ZNF658: variants seen among roughly 807,000 people sequenced by gnomAD.
ZNF658 encodes zinc finger protein 658.
A neutral mutation model predicts 78.0 loss-of-function variants in ZNF658; 46 were observed. The observed-to-expected ratio is 0.59, with a 90% CI of 0.47 to 0.75. ZNF658 has a LOEUF of 0.75. Ranked by LOEUF, ZNF658 falls within the 30% of genes least tolerant of loss-of-function variation. The pLI is 0.00. For missense variants in ZNF658, 785 were observed against 1,189.3 expected, an observed-to-expected ratio of 0.66 and a Z score of 5.00; for synonymous variants, 279 against 408.4, an observed-to-expected ratio of 0.68 and a Z score of 3.82.
rs764002587 is a variant in ZNF658 at position 66,908,277 on chromosome 9, CG to C, written c.58del (p.Glu20ArgfsTer17). 5.0e-6 allele frequency: 8 copies of C among 1,613,826 alleles called. No homozygotes were observed. Among genetic ancestry groups the C allele is most frequent in the Non-Finnish European group, 6.8e-6 (8 of 1,179,980 alleles). ...SFQDVTVEFTREEWQHLGPVE... is the reference protein window; with the variant it reads ...SFQDVTVEFTXEEWQHLGPVE... ...CCAGGACGTGACTGTGGAATTCACCCGGGAGGAGTGGCAGCACCTGGGCCCT... is the reference window on the plus strand; with the variant it reads ...CCAGGACGTGACTGTGGAATTCACCCGGAGGAGTGGCAGCACCTGGGCCCT... On this transcript the variant is annotated frameshift_variant, in exon 3 of 5. Coordinates refer to ENST00000621410, the MANE Select transcript of ZNF658 (RefSeq NM_033160.7). LOFTEE classifies it high-confidence loss of function.
At position 66,917,912 on chromosome 9, in the gene ZNF658, C is replaced by T; in HGVS notation, c.346C>T (p.Gln116Ter). 2 of 1,609,788 alleles carry T rather than the reference C, an allele frequency of 1.2e-6. No individual in the cohort carries two copies. The highest frequency in any genetic ancestry group is 1.7e-6 in the Non-Finnish European group (2 of 1,179,394). Residue 116 changes from glutamine (Q) to a stop codon, truncating the protein, a stop_gained, in exon 5 of 5, where the codon CAG (glutamine) becomes TAG (stop). Coordinates refer to ENST00000621410, the MANE Select transcript of ZNF658 (RefSeq NM_033160.7). LOFTEE classifies it high-confidence loss of function. ...TGACAAAACATTGAGTAAAGAAGGA[C>T]AGAAAGTTTTAGAAAAACCATTTAA... ...DADKTLSKEG[Q>*]KVLEKPFNLE...
In ZNF658 at chr9:66,901,773, C is replaced by G. The variant is rs941472764; in HGVS notation, c.-45+937C>G. On this transcript the variant is annotated intron_variant, in intron 1 of 4. Transcript: ENST00000621410. ...CAGCCTGGCCATCATGGCAAAAGCC[C>G]ATCTCTACAAAAATAAAAAAATTAG... Among the ~76,000 whole-genome samples the G allele has an allele frequency of 1.0e-3, 155 of 151,390 alleles. 1 individual carries two copies. The highest frequency in any genetic ancestry group is 4.0e-3 in the South Asian group (19 of 4,780).
intron 6 of ZNF658, among the ~76,000 whole-genome samples, chr9:66,927,141 G>C (rs4629923): frequency 6.6e-6 from 1 of 151,830 alleles, no homozygotes; most frequent in Admixed American, 6.6e-5. Context: ...TCCAAAATAC[G>C]TCAGGAACTC....
In ZNF658 at chr9:66,920,027, A is replaced by G. The variant is rs755582435; in HGVS notation, c.2461A>G (p.Thr821Ala). ...CCTCATAGTGCATCAAAGAATTCACACAGGGGAGAAACCCTATGAATGTAA... is the reference window on the plus strand; with the variant it reads ...CCTCATAGTGCATCAAAGAATTCACGCAGGGGAGAAACCCTATGAATGTAA... The part of the protein sequence containing the change: ...AALIVHQRIH[T>A]GEKPYECNQC... The change falls in exon 5 of 5, where the codon ACA (threonine) becomes GCA (alanine). Residue 821 changes from threonine to alanine, a missense_variant. Physicochemically the swap from Thr to Ala is moderately conservative, Grantham distance 58 (BLOSUM62 0). This residue lies in a region of ZNF658 where 58 missense variants were observed against 63.0 expected (regional missense o/e 0.92). Transcript: ENST00000621410. 6.2e-7 allele frequency: 1 copy of G among 1,612,924 alleles called. No individual in the cohort carries two copies. The highest frequency in any genetic ancestry group is 8.5e-7 in the Non-Finnish European group (1 of 1,179,872).
At position 66,920,848 on chromosome 9, in the gene ZNF658, G is replaced by A. The variant is rs574247722; in HGVS notation, c.*102G>A. The A allele has an allele frequency of 1.8e-5, 12 of 668,684 alleles. No individual in the cohort carries two copies. The South Asian group carries it at 1.8e-4, about 10-fold the overall frequency. 41.4% of individuals were successfully genotyped at this position (668,684 alleles called of 1,614,324 possible). On this transcript the variant is annotated 3_prime_UTR_variant, in exon 5 of 5. Transcript: ENST00000621410. ...CATTTCCTTTTTCATTAGGCTCATA[G>A]TTTGTGGAAAAATCCCAATATGCCG...
In ZNF658 at chr9:66,920,941, T is replaced by TAA. The variant is rs568776150; in HGVS notation, c.*206_*207dup. On this transcript the variant is annotated 3_prime_UTR_variant, in exon 5 of 5. Coordinates refer to ENST00000621410, the MANE Select transcript of ZNF658 (RefSeq NM_033160.7). The stretch of plus-strand genomic sequence containing the variant: ...AAATATTACATTTACCCTTGGCCCT[T>TAA]AAAAAAAAAAAAGAAAAACCCTCAC... 413 of 564,398 alleles carry TAA rather than the reference T, an allele frequency of 7.3e-4. No individual in the cohort carries two copies. The highest frequency in any genetic ancestry group is 1.0e-3 in the South Asian group (44 of 43,264). 35.0% of individuals were successfully genotyped at this position (564,398 alleles called of 1,614,324 possible). A position where few individuals can be genotyped will look rare whatever the true frequency, so the allele number is the denominator to read the frequency against.
intron 4 of ZNF658, among the ~76,000 whole-genome samples, chr9:66,916,100 G>A (rs926489571): frequency 1.3e-5 from 2 of 150,348 alleles, no homozygotes; most frequent in African/African-American, 2.5e-5. Flanking sequence ...ATGTTGGTCA[G>A]GCTGGTCTCA....
chr9:66,910,490 A>G (rs940722610), intron 4 of ZNF658, among the ~76,000 whole-genome samples: 1 of 151,736 alleles, frequency 6.6e-6, no homozygotes, highest in African/African-American at 2.4e-5. Context: ...CTAAATAAGT[A>G]ACATAGAAAG....
chr9:66,919,647 C>T lies in ZNF658; in HGVS notation c.2081C>T (p.Thr694Ile), dbSNP rs761420146. ...KPYECSDCEK[T>I]FAHNSALKIH... ...TATGAATGTAGTGACTGTGAGAAAA[C>T]TTTTGCCCATAATTCAGCCCTCAAA... The change falls in exon 5 of 5, where the codon ACT (threonine) becomes ATT (isoleucine). Residue 694 changes from threonine (T) to isoleucine (I), a missense_variant. Thr to Ile is a moderately conservative substitution (Grantham distance 89). Around this residue, in one of 12 missense-constraint regions of ZNF658, gnomAD observed 75 missense variants for 147.1 expected, o/e 0.51. Coordinates refer to ENST00000621410, the MANE Select transcript of ZNF658 (RefSeq NM_033160.7). The T allele has an allele frequency of 5.6e-6, 9 of 1,611,440 alleles. No homozygotes were observed. The South Asian group carries it at 9.9e-5, about 18-fold the overall frequency.
At chr9:66,927,419 A>G (rs149921882) in intron 6 of ZNF658, among the ~76,000 whole-genome samples, 4,474 of 152,224 alleles carry the variant, frequency 0.029, 234 homozygotes, top group African/African-American at 0.1. Flanking sequence ...ACGATGGTGC[A>G]TTTACTATGG....
At chr9:66,902,880 ATTTATTT>A (rs1821984726) in intron 1 of ZNF658, 2 of 151,864 alleles carry the variant, frequency 1.3e-5, no homozygotes, top group Admixed American at 1.3e-4. Context: ...TTTTAAATTT[ATTTATTT>A]TTTATTTTTT....
chr9:66,910,394 A>T (rs1489871501), intron 4 of ZNF658, among the ~76,000 whole-genome samples: 2 of 151,924 alleles, frequency 1.3e-5, no homozygotes, highest in Non-Finnish European at 2.9e-5. Flanking sequence ...GCATCACATA[A>T]AGAGTGACAT....
chr9:66,903,004 G>C (rs1821988673), intron 1 of ZNF658: 1 of 153,804 alleles, frequency 6.5e-6, no homozygotes, highest in Admixed American at 6.4e-5. Context: ...TGGGATTACA[G>C]GCATGATCCA....
At position 66,913,340 on chromosome 9, in the gene ZNF658, G is replaced by A. The variant is rs546901572; in HGVS notation, c.239-4465G>A. On this transcript the variant is annotated intron_variant, in intron 4 of 4. Coordinates refer to ENST00000621410, the MANE Select transcript of ZNF658 (RefSeq NM_033160.7). ...CTCAGGAGGCTGAGGCAGGAGAATC[G>A]CTTGAACTCGGGAGGCAGAGGTTGC... Among the ~76,000 whole-genome samples the A allele has an allele frequency of 6.7e-4, 101 of 151,870 alleles. 2 individuals carry two copies. The highest frequency in any genetic ancestry group is 2.0e-3 in the African/African-American group (83 of 41,414).
In ZNF658 at chr9:66,918,187, A is replaced by G. The variant is rs767743747; in HGVS notation, c.621A>G (p.Lys207=). ...GTTATAAGAAAGATCAGCATTGGAA[A>G]TTTCAAACTTTGGAGGAATCTTTTG... ...AFSYKKDQHW[K]FQTLEESFEC... Residue 207 remains lysine (K), a synonymous_variant, in exon 5 of 5, where the codon AAA becomes AAG. Coordinates refer to ENST00000621410, the MANE Select transcript of ZNF658 (RefSeq NM_033160.7). The G allele has an allele frequency of 1.2e-6, 2 of 1,606,726 alleles. No homozygotes were observed. The highest frequency in any genetic ancestry group is 2.7e-5 in the African/African-American group (2 of 74,316).
At chr9:66,906,876 T>C (rs1822092768) in intron 2 of ZNF658, among the ~76,000 whole-genome samples, 1 of 152,012 alleles carries the variant, frequency 6.6e-6, no homozygotes, top group African/African-American at 2.4e-5. Flanking sequence ...CTTCTAGAGT[T>C]CTGAAAAAGT....
At chr9:66,910,054 C>T (rs1822176943) in intron 4 of ZNF658, among the ~76,000 whole-genome samples, 1 of 152,120 alleles carries the variant, frequency 6.6e-6, no homozygotes, top group South Asian at 2.1e-4. Context: ...ATAAAGATAT[C>T]AGTACTACTG....
At chr9:66,910,391 A>T (rs999861307) in intron 4 of ZNF658, among the ~76,000 whole-genome samples, 93 of 152,088 alleles carry the variant, frequency 6.1e-4, no homozygotes, top group Non-Finnish European at 4.4e-5. Context: ...ATAGCATCAC[A>T]TAAAGAGTGA....
In ZNF658 at chr9:66,920,964, C is replaced by G. The variant is rs569076519; in HGVS notation, c.*218C>G. 1.6e-6 allele frequency: 1 copy of G among 614,476 alleles called. No homozygotes were observed. Among genetic ancestry groups the G allele is most frequent in the Non-Finnish European group, 2.9e-6 (1 of 346,976 alleles). 38.1% of individuals were successfully genotyped at this position (614,476 alleles called of 1,614,324 possible). On this transcript the variant is annotated 3_prime_UTR_variant, in exon 5 of 5. Coordinates refer to ENST00000621410, the MANE Select transcript of ZNF658 (RefSeq NM_033160.7). ...CTTAAAAAAAAAAAAGAAAAACCCT[C>G]ACAGTCTTCCTGGTTCATAAGATGG...
Sources: gnomAD v4.1 joint callset for allele counts (sites outside exome capture counted in the v4.1 genomes callset) on GRCh38, gnomAD v4.1.1 for gene constraint, gnomAD v4.1.1 regional missense constraint, MANE v1.5 for transcripts, NCBI Gene and HGNC (gene_info 2026-07-23, HGNC 2026-07-21) for gene names.